The following SZT2 variants were observed in gnomAD, a reference collection of about 807,000 sequenced individuals.
SZT2 encodes the protein SZT2 subunit of KICSTOR complex.
SZT2 carries 216 observed loss-of-function variants against 404.2 expected under a neutral mutation model. That is an observed-to-expected ratio of 0.53 (90% CI 0.48 to 0.60). The LOEUF (loss-of-function observed/expected upper bound fraction) is 0.60. SZT2 is among the 20% of genes least tolerant of loss of function. The pLI is 0.00. For missense variants in SZT2, 3,857 were observed against 4,459.2 expected (o/e 0.86, Z 3.85); for synonymous variants, 1,693 against 1,749.9 (o/e 0.97, Z 0.81).
chr1:43,428,355 A>T lies in SZT2; in HGVS notation c.4035A>T (p.Ala1345=), dbSNP rs951132595. Residue 1345 remains alanine (A), a synonymous_variant, in exon 28 of 72, where the codon GCA becomes GCT. Coordinates refer to ENST00000634258, the MANE Select transcript of SZT2 (RefSeq NM_001365999.1). ...TAGACATCACCCCATTTCTCCTTGC[A>T]TTGTGTGGCCACACTTGGGGTTTGC... ...QEIDITPFLL[A]LCGHTWGLPH... 8 of 1,614,024 alleles carry T rather than the reference A, an allele frequency of 5.0e-6. No homozygotes were observed. The African/African-American group carries it at 1.1e-4, about 22-fold the overall frequency.
At position 43,422,901 on chromosome 1, in the gene SZT2, T is replaced by G; in HGVS notation, c.2037+18T>G. The G allele has an allele frequency of 6.4e-7, 1 of 1,564,558 alleles. No homozygotes were observed. The highest frequency in any genetic ancestry group is 8.6e-7 in the Non-Finnish European group (1 of 1,161,920). On this transcript the variant is annotated intron_variant, in intron 14 of 71. Coordinates refer to ENST00000634258, the MANE Select transcript of SZT2 (RefSeq NM_001365999.1). ...GGCACAAGGTAAGCTGGGCCCTGAC[T>G]GACTCTGACCAAGGAGCCCTAGGGT...
At position 43,440,493 on chromosome 1, in the gene SZT2, A is replaced by G. The variant is rs376885064; in HGVS notation, c.7251A>G (p.Ala2417=). The part of the protein sequence containing the change: ...RNGSLETKSS[A]GRASTFPPAP... Reference sequence around the variant, plus strand: ...GATCGTTGGAAACTAAGAGCTCTGCAGGCCGAGCTAGCACCTTTCCCCCTG... The same window carrying G: ...GATCGTTGGAAACTAAGAGCTCTGCGGGCCGAGCTAGCACCTTTCCCCCTG... Residue 2417 remains alanine, a synonymous_variant, in exon 52 of 72, where the codon GCA becomes GCG. Transcript: ENST00000634258. The G allele has an allele frequency of 5.0e-6, 8 of 1,607,316 alleles. No individual in the cohort carries two copies. The highest frequency in any genetic ancestry group is 5.1e-6 in the Non-Finnish European group (6 of 1,177,108).
Position 43,422,812 on chromosome 1 carries a change from A to G in SZT2, c.1966A>G (p.Ile656Val). Residue 656 changes from isoleucine to valine, a missense_variant, in exon 14 of 72, where the codon ATT becomes GTT. Ile to Val is a conservative substitution (Grantham distance 29). Coordinates refer to ENST00000634258, the MANE Select transcript of SZT2 (RefSeq NM_001365999.1). ...CAATTCCTTCTACATGGTCCGTATC[A>G]TTTCCAAGGCCCCATGCATGGTTCT... ...PPNSFYMVRI[I>V]SKAPCMVLRL... The G allele has an allele frequency of 6.3e-7, 1 of 1,594,038 alleles. No individual in the cohort carries two copies. Among genetic ancestry groups the G allele is most frequent in the Admixed American group, 1.7e-5 (1 of 59,610 alleles).
chr1:43,427,669 G>A lies in SZT2; in HGVS notation c.3738G>A (p.Leu1246=). ...RCPVYIYSCS[L]EALREQMVGM... ...CTGTCTACATCTACAGCTGTTCACT[G>A]GAAGCGCTGAGGGAACAAATGGTTG... Residue 1246 remains leucine, a synonymous_variant, in exon 26 of 72, where the codon CTG becomes CTA. Transcript: ENST00000634258. The A allele has an allele frequency of 6.2e-7, 1 of 1,614,168 alleles. No individual in the cohort carries two copies. The highest frequency in any genetic ancestry group is 8.5e-7 in the Non-Finnish European group (1 of 1,180,028).
At chr1:43,397,789 A>G (rs839759) in intron 1 of SZT2, among the ~76,000 whole-genome samples, 49,839 of 152,062 alleles carry the variant, frequency 0.33, 9,194 homozygotes, top group Middle Eastern at 0.45. Flanking sequence ...CCGGCCTCCC[A>G]AAGTGCTGGG....
Position 43,434,455 on chromosome 1 carries a change from A to C in SZT2, c.5874A>C (p.Arg1958=). The change falls in exon 41 of 72, where the codon CGA becomes CGC. Residue 1958 remains arginine, a synonymous_variant. Transcript: ENST00000634258. The part of the protein sequence containing the change: ...CRHLQQLLVR[R]VGEICREVNQ... The stretch of plus-strand genomic sequence containing the variant: ...ACCTGCAGCAGCTCCTGGTGAGGCG[A>C]GTTGGGGAGATCTGCAGGGAGGTCA... 6.3e-7 allele frequency: 1 copy of C among 1,597,520 alleles called. No individual in the cohort carries two copies. Among genetic ancestry groups the C allele is most frequent in the Non-Finnish European group, 8.5e-7 (1 of 1,173,626 alleles).
At chr1:43,391,464 T>G (rs1048090668) in intron 1 of SZT2, among the ~76,000 whole-genome samples, 5 of 152,228 alleles carry the variant, frequency 3.3e-5, no homozygotes, top group Admixed American at 3.3e-4. Flanking sequence ...AATCTCCAGT[T>G]CACTGGGATT....
Position 43,441,116 on chromosome 1 carries a change from C to A in SZT2, c.7345-98C>A. 6.8e-7 allele frequency: 1 copy of A among 1,472,286 alleles called. No individual in the cohort carries two copies. The highest frequency in any genetic ancestry group is 9.2e-7 in the Non-Finnish European group (1 of 1,085,454). The allele number at this position is 1,472,286 out of a possible 1,614,324, so 91.2% of individuals were successfully genotyped here. On this transcript the variant is annotated intron_variant, in intron 52 of 71. Coordinates refer to ENST00000634258, the MANE Select transcript of SZT2 (RefSeq NM_001365999.1). This position sits in a 1 kb window ranked among gnomAD's most constrained non-coding sequence, Gnocchi z 4.8. The stretch of plus-strand genomic sequence containing the variant: ...GGGGAAGCCAGGGTCTGAACCCAGA[C>A]CTCTGAATCCTCCTAGCTCACTGCT...
intron 1 of SZT2, among the ~76,000 whole-genome samples, chr1:43,401,850 CCTT>C (rs761459606): frequency 6.6e-6 from 1 of 152,116 alleles, no homozygotes; most frequent in Non-Finnish European, 1.5e-5. Context: ...GTGAGTTCCT[CCTT>C]CTTGCCTTCT....
intron 7 of SZT2, 67 bp downstream of exon 7, chr1:43,416,708 A>G: frequency 8.0e-7 from 1 of 1,245,738 alleles, no homozygotes; most frequent in Non-Finnish European, 1.1e-6. Context: ...ATGGCTGATT[A>G]CTTTCTTACA....
At position 43,424,906 on chromosome 1, in the gene SZT2, T is replaced by C. The variant is rs1652959552; in HGVS notation, c.2550+44T>C. On this transcript the variant is annotated intron_variant, in intron 17 of 71. Coordinates refer to ENST00000634258, the MANE Select transcript of SZT2 (RefSeq NM_001365999.1). This position sits in a 1 kb window ranked among gnomAD's most constrained non-coding sequence, Gnocchi z 4.1. ...GACACCTCCCTGCCAAGGTCTGTCA[T>C]AATCCCAGGGACACTCACCTCTGAG... 3 of 1,594,564 alleles carry C rather than the reference T, an allele frequency of 1.9e-6. No individual in the cohort carries two copies. The highest frequency in any genetic ancestry group is 2.6e-6 in the Non-Finnish European group (3 of 1,162,518).
intron 28 of SZT2, chr1:43,428,743 C>G (rs564233784): frequency 2.0e-6 from 1 of 502,066 alleles, no homozygotes; most frequent in Non-Finnish European, 3.6e-6. Flanking sequence ...ATAGGGAGTC[C>G]CCTGGTGCTA....
chr1:43,431,531 C>T lies in SZT2; in HGVS notation c.5088+8C>T, dbSNP rs1330491045. Reference sequence around the variant, plus strand: ...GAGACCACCATGAATGAGGTGAGCCCCCCACCCCCAACACTGTAACTGATT... The same window carrying T: ...GAGACCACCATGAATGAGGTGAGCCTCCCACCCCCAACACTGTAACTGATT... On this transcript the variant is annotated splice_region_variant and intron_variant, in intron 35 of 71. Transcript: ENST00000634258. The T allele has an allele frequency of 4.3e-6, 7 of 1,613,956 alleles. No homozygotes were observed. The highest frequency in any genetic ancestry group is 5.9e-6 in the Non-Finnish European group (7 of 1,179,978).
At chr1:43,421,988 C>G (rs1652418163) in intron 11 of SZT2, 95 bp from the exon 12 acceptor site, 2 of 1,371,140 alleles carry the variant, frequency 1.5e-6, no homozygotes, top group Non-Finnish European at 2.0e-6. Context: ...CTCTGACTCT[C>G]TGAACGGAGT....
At chr1:43,427,967 G>A (rs781410580) in intron 26 of SZT2, 36 bp from the exon 27 acceptor site, 86 of 1,571,088 alleles carry the variant, frequency 5.5e-5, no homozygotes, top group Non-Finnish European at 1.7e-5. Flanking sequence ...TCACTTAAGG[G>A]AGTTGGTCAA....
chr1:43,403,179 G>A lies in SZT2; in HGVS notation c.30G>A (p.Val10=). 1 of 1,614,096 alleles carries A rather than the reference G, an allele frequency of 6.2e-7. No individual in the cohort carries two copies. Among genetic ancestry groups the A allele is most frequent in the Non-Finnish European group, 8.5e-7 (1 of 1,179,984 alleles). The change falls in exon 2 of 72, where the codon GTG becomes GTA. Residue 10 remains valine (V), a splice_region_variant and synonymous_variant. Transcript: ENST00000634258. ...TATTAATGTCTCTTTGTTCCCAGGT[G>A]GAAGAAGCTGGGCAGGTGTTCCTGT... MASERPEPE[V]EEAGQVFLLM...
intron 1 of SZT2, among the ~76,000 whole-genome samples, chr1:43,401,734 CCTCGGCCTCCTGAAGT>C (rs1289028679): frequency 6.6e-6 from 1 of 152,190 alleles, no homozygotes; most frequent in Non-Finnish European, 1.5e-5. Flanking sequence ...GATCCACCCG[CCTCGGCCTCCTGAAGT>C]GCTGGGATTA....
At chr1:43,397,228 C>T (rs777959832) in intron 1 of SZT2, among the ~76,000 whole-genome samples, 8 of 151,784 alleles carry the variant, frequency 5.3e-5, no homozygotes, top group Admixed American at 1.3e-4. Flanking sequence ...GGTAGAAGTT[C>T]GAGACCAGGC....
Position 43,423,298 on chromosome 1 carries a change from T to C in SZT2, c.2237T>C (p.Leu746Pro). 1.3e-6 allele frequency: 2 copies of C among 1,542,860 alleles called. No individual in the cohort carries two copies. Among genetic ancestry groups the C allele is most frequent in the African/African-American group, 1.4e-5 (1 of 73,370 alleles). Residue 746 changes from leucine (L) to proline (P), a missense_variant, in exon 15 of 72, where the codon CTG (leucine) becomes CCG (proline). Leu to Pro is a moderately conservative substitution (Grantham distance 98). This residue lies in a region of SZT2 where 1,725 missense variants were observed against 1,881.0 expected (regional missense o/e 0.92). Coordinates refer to ENST00000634258, the MANE Select transcript of SZT2 (RefSeq NM_001365999.1). Reference protein sequence around the residue: ...RPCLVVLHKPLDKLLIRYEKL... With the variant: ...RPCLVVLHKPPDKLLIRYEKL... ...TGCCTTGTGGTCCTGCATAAGCCAC[T>C]GGACAAACTGCTCATCAGGTTGGTA...
Sources: gnomAD v4.1 joint callset for allele counts (sites outside exome capture counted in the v4.1 genomes callset) on GRCh38, gnomAD v4.1.1 for gene constraint, gnomAD v4.1.1 regional missense constraint, Gnocchi (gnomAD v3.1) non-coding constraint, MANE v1.5 for transcripts, NCBI Gene and HGNC (gene_info 2026-07-23, HGNC 2026-07-21) for gene names.